PRR5L: variants seen among roughly 807,000 people sequenced by gnomAD.
PRR5L encodes proline rich 5 like, also known as proline-rich protein 5-like.
PRR5L carries 21 observed loss-of-function variants against 36.4 expected under a neutral mutation model. The ratio of observed to expected loss-of-function variants is 0.58; its 90% confidence interval spans 0.41 to 0.83. The LOEUF is 0.83. Ranked by LOEUF, PRR5L falls within the 40% of genes least tolerant of loss-of-function variation. PRR5L has a pLI of 0.00. For missense variants in PRR5L, 381 were observed against 473.3 expected, an observed-to-expected ratio of 0.80 and a Z score of 1.81; for synonymous variants, 188 against 197.0, an observed-to-expected ratio of 0.95 and a Z score of 0.38.
chr11:36,343,670 G>T (rs1282762872), intron 1 of PRR5L, among the ~76,000 whole-genome samples: 3 of 152,180 alleles, frequency 2.0e-5, no homozygotes, highest in Non-Finnish European at 4.4e-5. Context: ...TCACCCATCA[G>T]CCTTTATAGT....
intron 3 of PRR5L, among the ~76,000 whole-genome samples, chr11:36,413,590 AG>A (rs71459213): frequency 0.13 from 19,569 of 152,008 alleles, 1,360 homozygotes; most frequent in African/African-American, 0.17. Flanking sequence ...GATAAGTATT[AG>A]TAACGGTAGC....
chr11:36,388,794 A>G (rs928345880), intron 1 of PRR5L, among the ~76,000 whole-genome samples: 14 of 139,570 alleles, frequency 1.0e-4, no homozygotes, highest in Non-Finnish European at 1.4e-4. Context: ...CGCCTCCCGG[A>G]TTCACGCCAT....
At chr11:36,432,879 A>G (rs1411205273) in intron 5 of PRR5L, among the ~76,000 whole-genome samples, 4 of 152,154 alleles carry the variant, frequency 2.6e-5, no homozygotes, top group African/African-American at 9.7e-5. Flanking sequence ...ACAAAGTAGG[A>G]AGGAAAATGA....
intron 1 of PRR5L, among the ~76,000 whole-genome samples, chr11:36,315,640 C>T (rs1426682558): frequency 6.6e-6 from 1 of 152,186 alleles, no homozygotes; most frequent in African/African-American, 2.4e-5. Flanking sequence ...GTACTCTTGA[C>T]CAGTGTTCCC....
At chr11:36,422,796 A>G (rs1858296663) in intron 4 of PRR5L, among the ~76,000 whole-genome samples, 1 of 152,180 alleles carries the variant, frequency 6.6e-6, no homozygotes, top group Non-Finnish European at 1.5e-5. Context: ...AGTCTCTGAC[A>G]TTTCCAGTAT....
intron 3 of PRR5L, among the ~76,000 whole-genome samples, chr11:36,411,468 C>T (rs1858024991): frequency 6.6e-6 from 1 of 152,014 alleles, no homozygotes; most frequent in South Asian, 2.1e-4. Flanking sequence ...CCATTTTTTC[C>T]CCCTGTTATG....
chr11:36,454,016 T>A (rs1858997387), intron 8 of PRR5L: 1 of 152,650 alleles, frequency 6.6e-6, no homozygotes, highest in Admixed American at 6.5e-5. Flanking sequence ...ACAGACCTCG[T>A]CCTGGGTATG....
intron 1 of PRR5L, among the ~76,000 whole-genome samples, chr11:36,331,542 T>C (rs1856719270): frequency 6.6e-6 from 1 of 152,200 alleles, no homozygotes; most frequent in African/African-American, 2.4e-5. Flanking sequence ...CAGTAGATTA[T>C]TCAAAAAGTA....
At chr11:36,353,066 T>C (rs1279328702) in intron 1 of PRR5L, among the ~76,000 whole-genome samples, 1 of 152,216 alleles carries the variant, frequency 6.6e-6, no homozygotes, top group Non-Finnish European at 1.5e-5. Context: ...CATAGCCCAC[T>C]GCAACCTCAA....
chr11:36,383,939 G>T (rs1857413992), intron 1 of PRR5L, among the ~76,000 whole-genome samples: 1 of 151,982 alleles, frequency 6.6e-6, no homozygotes, highest in Admixed American at 6.6e-5. Flanking sequence ...CAGGTGATCT[G>T]CCCGCCTCGG....
intron 1 of PRR5L, among the ~76,000 whole-genome samples, chr11:36,334,204 A>G (rs1856747265): frequency 6.6e-6 from 1 of 152,202 alleles, no homozygotes; most frequent in African/African-American, 2.4e-5. Context: ...TTTATCCTGG[A>G]TGGTGGTCTT....
chr11:36,460,457 A>T lies in PRR5L; in HGVS notation c.713-1885A>T, dbSNP rs148863628. ...TCCTCCTCCCTGCCCCGCTCCCATG[A>T]TCTCTTAGTTGTGGGGTTCTGTAGT... On this transcript the variant is annotated intron_variant, in intron 8 of 8. Transcript: ENST00000530639. Among the ~76,000 whole-genome samples, 1,063 of 150,040 alleles carry T rather than the reference A, an allele frequency of 7.1e-3. 13 individuals are homozygous for T. Among genetic ancestry groups the T allele is most frequent in the African/African-American group, 0.024 (979 of 40,662 alleles).
chr11:36,311,587 G>A (rs1327984965), intron 1 of PRR5L, among the ~76,000 whole-genome samples: 1 of 152,192 alleles, frequency 6.6e-6, no homozygotes, highest in Non-Finnish European at 1.5e-5. Context: ...CTATGTATGG[G>A]GTTACCTAGT....
intron 3 of PRR5L, among the ~76,000 whole-genome samples, chr11:36,410,055 A>G (rs1179441840): frequency 6.6e-6 from 1 of 152,150 alleles, no homozygotes; most frequent in Admixed American, 6.5e-5. Context: ...TTTTGGAGGG[A>G]TTAAGATGAG....
intron 1 of PRR5L, among the ~76,000 whole-genome samples, chr11:36,320,828 G>T (rs1222559182): frequency 6.6e-6 from 1 of 152,136 alleles, no homozygotes; most frequent in East Asian, 1.9e-4. Context: ...GATATTTATA[G>T]AACCCTCTTG....
intron 1 of PRR5L, among the ~76,000 whole-genome samples, chr11:36,335,391 T>C (rs1448475862): frequency 7.9e-6 from 1 of 127,208 alleles, no homozygotes; most frequent in Non-Finnish European, 1.7e-5. Flanking sequence ...ATAAATATTG[T>C]CTGCTTGGGT....
intron 1 of PRR5L, among the ~76,000 whole-genome samples, chr11:36,319,049 A>G (rs1199698379): frequency 2.0e-5 from 3 of 152,212 alleles, no homozygotes; most frequent in Non-Finnish European, 4.4e-5. Flanking sequence ...GATTGGGAAT[A>G]AAATGGATTA....
At chr11:36,461,348 C>T (rs183990593) in intron 8 of PRR5L, among the ~76,000 whole-genome samples, 4 of 152,264 alleles carry the variant, frequency 2.6e-5, no homozygotes, top group Admixed American at 6.5e-5. Context: ...TTAGGCCGGA[C>T]GTGGTGGCTC....
chr11:36,351,157 T>C (rs1856937250), intron 1 of PRR5L, among the ~76,000 whole-genome samples: 1 of 106,158 alleles, frequency 9.4e-6, no homozygotes, highest in Non-Finnish European at 1.7e-5. Flanking sequence ...TATAAATATA[T>C]ATAATTTATA....
Sources: allele counts gnomAD v4.1 joint callset (sites outside exome capture counted in the v4.1 genomes callset), GRCh38; gene constraint gnomAD v4.1.1; transcripts MANE v1.5; gene names NCBI Gene and HGNC (gene_info 2026-07-23, HGNC 2026-07-21).